Variants in COL14A1 observed in about 807,000 individuals in gnomAD.
The protein encoded by COL14A1 is collagen alpha-1(XIV) chain.
Under a neutral mutation model 230.3 loss-of-function variants are expected in COL14A1, and 136 were observed. The observed-to-expected ratio is 0.59, with a 90% CI of 0.51 to 0.68. The LOEUF (loss-of-function observed/expected upper bound fraction) is 0.68. Among genes scored for constraint, COL14A1 ranks in the 30% least tolerant of loss-of-function variants. COL14A1 has a pLI of 0.00. For synonymous variants in COL14A1, 792 were observed against 784.1 expected (o/e 1.01, Z -0.17); for missense variants, 1,976 against 2,215.8 (o/e 0.89, Z 2.17).
chr8:120,365,502 C>T (rs1199884764), intron 45 of COL14A1, among the ~76,000 whole-genome samples: 2 of 152,184 alleles, frequency 1.3e-5, no homozygotes, highest in African/African-American at 4.8e-5. Context: ...TAAGCACTGA[C>T]AAGTGAAGTA....
At chr8:120,181,730 C>A (rs1174634150) in intron 5 of COL14A1, among the ~76,000 whole-genome samples, 1 of 152,098 alleles carries the variant, frequency 6.6e-6, no homozygotes. Context: ...CCCTTTCTCC[C>A]CTCACTTCTG....
chr8:120,236,115 T>C (rs1396109092), intron 19 of COL14A1, among the ~76,000 whole-genome samples: 2 of 152,236 alleles, frequency 1.3e-5, no homozygotes, highest in Non-Finnish European at 2.9e-5. Context: ...GAGAGTTCTG[T>C]AGATGTCTAT....
intron 42 of COL14A1, among the ~76,000 whole-genome samples, chr8:120,337,154 G>A (rs1029812710): frequency 1.3e-5 from 2 of 152,244 alleles, no homozygotes; most frequent in East Asian, 3.9e-4. Context: ...ACTTTGGGAG[G>A]CCAAGGCAGG....
chr8:120,218,231 TATATAA>T (rs1817824442), intron 14 of COL14A1, among the ~76,000 whole-genome samples: 1 of 136,916 alleles, frequency 7.3e-6, no homozygotes, highest in African/African-American at 2.7e-5. Flanking sequence ...TATAAATAAA[TATATAA>T]ATATAAATAT....
intron 45 of COL14A1, among the ~76,000 whole-genome samples, chr8:120,358,794 A>G (rs1246239963): frequency 6.6e-6 from 1 of 152,194 alleles, no homozygotes; most frequent in South Asian, 2.1e-4. Context: ...AGTTGTTTGT[A>G]TTAGCTGTGA....
chr8:120,364,363 A>AT (rs1349488926), intron 45 of COL14A1, among the ~76,000 whole-genome samples: 1 of 152,136 alleles, frequency 6.6e-6, no homozygotes, highest in African/African-American at 2.4e-5. Context: ...ATCCAGATCT[A>AT]TTTTTAGAGA....
chr8:120,278,487 A>G lies in COL14A1; in HGVS notation c.3390A>G (p.Thr1130=), dbSNP rs1472660991. The part of the protein sequence containing the change: ...RDTLFTAESG[T]RRGIPKVIVV... ...CCTTGTTCACTGCAGAGTCAGGTAC[A>G]AGAAGGGGCATCCCAAAGGTTATCG... The change falls in exon 28 of 48, where the codon ACA becomes ACG. Residue 1130 remains threonine, a synonymous_variant. Coordinates refer to ENST00000297848, the MANE Select transcript of COL14A1 (RefSeq NM_021110.4). 2 of 1,613,150 alleles carry G rather than the reference A, an allele frequency of 1.2e-6. No individual in the cohort carries two copies. The highest frequency in any genetic ancestry group is 2.7e-5 in the African/African-American group (2 of 74,864).
chr8:120,341,834 C>T (rs1397438657), intron 43 of COL14A1, among the ~76,000 whole-genome samples: 1 of 152,156 alleles, frequency 6.6e-6, no homozygotes, highest in Non-Finnish European at 1.5e-5. Context: ...AAACTGAAGT[C>T]AGCTTAATTT....
chr8:120,133,829 A>G (rs1814623859), intron 1 of COL14A1, among the ~76,000 whole-genome samples: 1 of 152,124 alleles, frequency 6.6e-6, no homozygotes, highest in Non-Finnish European at 1.5e-5. Flanking sequence ...TTTGGAAGGT[A>G]AGAAGAAAGA....
intron 11 of COL14A1, among the ~76,000 whole-genome samples, chr8:120,209,364 A>G (rs780055317): frequency 4.6e-5 from 7 of 151,882 alleles, no homozygotes; most frequent in Non-Finnish European, 8.8e-5. Context: ...ACAGGTCTCA[A>G]AAAAATAATA....
Position 120,307,924 on chromosome 8 carries a change from T to C in COL14A1, c.4402-2085T>C, listed in dbSNP as rs374111139. On this transcript the variant is annotated intron_variant, in intron 36 of 47. Coordinates refer to ENST00000297848, the MANE Select transcript of COL14A1 (RefSeq NM_021110.4). ...CTTGGTATCTTCTTCTGAGAAATACTAACAGTTTCACTTAAGGGATATGTA... is the reference window on the plus strand; with the variant it reads ...CTTGGTATCTTCTTCTGAGAAATACCAACAGTTTCACTTAAGGGATATGTA... Among the ~76,000 whole-genome samples the C allele has an allele frequency of 5.9e-5, 9 of 152,348 alleles. No individual in the cohort carries two copies. In the East Asian group the frequency reaches 9.7e-4, roughly 16 times the overall value.
chr8:120,198,333 A>G (rs1817115978), intron 7 of COL14A1, among the ~76,000 whole-genome samples: 1 of 152,170 alleles, frequency 6.6e-6, no homozygotes, highest in Admixed American at 6.6e-5. Context: ...ATCATTAGTT[A>G]TCATGAAAAT....
chr8:120,269,924 C>A (rs747836072), intron 25 of COL14A1, 111 bp from the exon 26 acceptor site: 57 of 1,149,978 alleles, frequency 5.0e-5, no homozygotes, highest in Non-Finnish European at 6.8e-5. Context: ...TATATCTTTC[C>A]TTTGAAAAAG....
intron 37 of COL14A1, among the ~76,000 whole-genome samples, chr8:120,311,527 C>T (rs755134271): frequency 6.6e-6 from 1 of 152,104 alleles, no homozygotes; most frequent in South Asian, 2.1e-4. Context: ...AATCACAGAT[C>T]CAAGTGAGTA....
In COL14A1 at chr8:120,227,232, G is replaced by T. The variant is rs1269983206; in HGVS notation, c.2017G>T (p.Glu673Ter). Residue 673 changes from glutamate (E) to a stop codon, truncating the protein, a stop_gained, in exon 17 of 48, where the codon GAA (glutamate) becomes TAA (stop). Transcript: ENST00000297848. LOFTEE classifies it high-confidence loss of function. ...AAATATATTTCAGGTTGTCCTGAAA[G>T]AAGAGCAGGACTCACATGTTATTGA... ...GGKTEEVVLKEEQDSHVIEGL... is the reference protein window; with the variant it reads ...GGKTEEVVLK The T allele has an allele frequency of 6.2e-7, 1 of 1,613,604 alleles. No individual in the cohort carries two copies. The highest frequency in any genetic ancestry group is 2.2e-5 in the East Asian group (1 of 44,864).
At chr8:120,363,101 G>T (rs998439815) in intron 45 of COL14A1, among the ~76,000 whole-genome samples, 17 of 152,244 alleles carry the variant, frequency 1.1e-4, no homozygotes, top group Non-Finnish European at 1.9e-4. Flanking sequence ...AAGGAATTTT[G>T]TCTGTTGATT....
At chr8:120,296,312 T>A (rs1034842015) in intron 34 of COL14A1, among the ~76,000 whole-genome samples, 3 of 151,986 alleles carry the variant, frequency 2.0e-5, no homozygotes, top group Non-Finnish European at 4.4e-5. Context: ...TCAGTTGGAA[T>A]GAATGTTTGC....
intron 40 of COL14A1, among the ~76,000 whole-genome samples, chr8:120,330,379 A>G: frequency 6.6e-6 from 1 of 152,188 alleles, no homozygotes; most frequent in Non-Finnish European, 1.5e-5. Context: ...GTAATTTATA[A>G]AGGAAAGAGG....
At chr8:120,233,857 AG>A (rs1818355560) in intron 19 of COL14A1, among the ~76,000 whole-genome samples, 1 of 152,206 alleles carries the variant, frequency 6.6e-6, no homozygotes, top group Non-Finnish European at 1.5e-5. Flanking sequence ...CTGCGAAAAA[AG>A]TCAATGGTAG....
Sources: allele counts gnomAD v4.1 joint callset (sites outside exome capture counted in the v4.1 genomes callset), GRCh38; gene constraint gnomAD v4.1.1; transcripts MANE v1.5; gene names NCBI Gene and HGNC (gene_info 2026-07-23, HGNC 2026-07-21).